ACACB: variants seen among roughly 807,000 people sequenced by gnomAD.
ACACB encodes acetyl-CoA carboxylase beta.
In ACACB, 209 loss-of-function variants were observed where a neutral mutation model predicts 278.8. The ratio of observed to expected loss-of-function variants is 0.75; its 90% CI spans 0.67 to 0.84. The LOEUF (loss-of-function observed/expected upper bound fraction) is 0.84. ACACB is among the 40% of genes least tolerant of loss of function. ACACB has a pLI of 0.00. For synonymous variants in ACACB, 1,174 were observed against 1,285.6 expected (o/e 0.91, Z 1.86); for missense variants, 2,850 against 3,269.0 (o/e 0.87, Z 3.13).
At chr12:109,167,767 T>C (rs916430149) in intron 3 of ACACB, 129 bp from the exon 4 acceptor site, 10 of 1,389,372 alleles carry the variant, frequency 7.2e-6, no homozygotes, top group Middle Eastern at 2.2e-4. Flanking sequence ...TACATAGAAA[T>C]ACCAAGAGGA....
At chr12:109,222,985 G>T in intron 26 of ACACB, 73 bp downstream of exon 26, 3 of 1,189,460 alleles carry the variant, frequency 2.5e-6, no homozygotes, top group Non-Finnish European at 3.6e-6. Flanking sequence ...CTGGGGAAAC[G>T]GCTCCTCCTG....
intron 40 of ACACB, chr12:109,249,767 C>T (rs1054669889): frequency 3.5e-5 from 15 of 424,824 alleles, no homozygotes; most frequent in Non-Finnish European, 5.7e-5. Context: ...GCTGGGATTA[C>T]AGAGCAGGGT....
intron 2 of ACACB, among the ~76,000 whole-genome samples, chr12:109,148,393 T>C (rs1289270080): frequency 6.6e-6 from 1 of 152,148 alleles, no homozygotes; most frequent in Non-Finnish European, 1.5e-5. Context: ...TCCTAGCTTG[T>C]ACCCCGACTT....
At chr12:109,210,014 T>TGTGTATAC (rs2045668714) in intron 21 of ACACB, among the ~76,000 whole-genome samples, 1 of 94,834 alleles carries the variant, frequency 1.1e-5, no homozygotes, top group Non-Finnish European at 2.1e-5. Flanking sequence ...TGTGTATATA[T>TGTGTATAC]ACACACGTGT....
At position 109,237,243 on chromosome 12, in the gene ACACB, G is replaced by A. The variant is rs146231935; in HGVS notation, c.4525G>A (p.Asp1509Asn). 5.6e-6 allele frequency: 9 copies of A among 1,614,052 alleles called. No individual in the cohort carries two copies. The highest frequency in any genetic ancestry group is 3.3e-5 in the South Asian group (3 of 91,090). ...QLELNRMRNF[D>N]LTAVPCANHK... ...GGAACTTAACCGGATGCGTAACTTC[G>A]ATCTGACCGCCGTGCCCTGTGCCAA... Residue 1509 changes from aspartate (D) to asparagine (N), a missense_variant, in exon 34 of 53, where the codon GAT (aspartate) becomes AAT (asparagine). Transcript: ENST00000338432.
chr12:109,119,831 G>A (rs986293369), intron 1 of ACACB, among the ~76,000 whole-genome samples: 5 of 152,038 alleles, frequency 3.3e-5, no homozygotes, highest in African/African-American at 7.3e-5. Flanking sequence ...GGAACCAGAC[G>A]TTGCAGCAAG....
intron 6 of ACACB, 86 bp downstream of exon 6, chr12:109,172,442 T>C (rs1593463114): frequency 7.8e-7 from 1 of 1,283,820 alleles, no homozygotes; most frequent in Admixed American, 1.9e-5. Context: ...CCTCCTGTCC[T>C]GTAAAGCGGA....
At chr12:109,203,384 A>G (rs1186014060) in intron 19 of ACACB, among the ~76,000 whole-genome samples, 2 of 152,212 alleles carry the variant, frequency 1.3e-5, no homozygotes, top group Non-Finnish European at 2.9e-5. Flanking sequence ...AGCACATTGC[A>G]TATAGTTGTC....
intron 7 of ACACB, 81 bp from the exon 8 acceptor site, chr12:109,175,850 C>A: frequency 8.3e-7 from 1 of 1,210,924 alleles, no homozygotes; most frequent in Non-Finnish European, 1.2e-6. Flanking sequence ...ACTATGTCAG[C>A]AGGGAGAGGC....
chr12:109,221,680 A>G (rs1195878458), intron 24 of ACACB, among the ~76,000 whole-genome samples: 1 of 152,052 alleles, frequency 6.6e-6, no homozygotes, highest in Non-Finnish European at 1.5e-5. Flanking sequence ...CTGTGTTCGA[A>G]TCTGGCTCTG....
chr12:109,197,140 G>A lies in ACACB; in HGVS notation c.2614G>A (p.Glu872Lys). ...GAACAGCTACACCACCTACATGAAG[G>A]AAGAGGTTGACAGGTGCGTGGGGGT... ...NGNSYTTYMK[E>K]EVDSYRITIG... Residue 872 changes from glutamate to lysine, a missense_variant, in exon 17 of 53, where the codon GAA (glutamate) becomes AAA (lysine). Coordinates refer to ENST00000338432, the MANE Select transcript of ACACB (RefSeq NM_001093.4). The A allele has an allele frequency of 4.4e-6, 7 of 1,605,764 alleles. No homozygotes were observed. The highest frequency in any genetic ancestry group is 6.0e-6 in the Non-Finnish European group (7 of 1,176,458).
At chr12:109,144,746 CTTTCTTTCTT>C (rs2043198117) in intron 2 of ACACB, among the ~76,000 whole-genome samples, 18 of 39,772 alleles carry the variant, frequency 4.5e-4, no homozygotes, top group African/African-American at 1.2e-3. Context: ...CTTTTTCTTT[CTTTCTTTCTT>C]TTTTTTTTTT....
At chr12:109,222,216 C>T (rs1176687729) in intron 24 of ACACB, among the ~76,000 whole-genome samples, 1 of 151,990 alleles carries the variant, frequency 6.6e-6, no homozygotes, top group Non-Finnish European at 1.5e-5. Context: ...TTAATAGTAA[C>T]GTAGGCAGGG....
At chr12:109,240,931 A>G in intron 35 of ACACB, 147 bp from the exon 36 acceptor site, 4 of 714,250 alleles carry the variant, frequency 5.6e-6, no homozygotes, top group Non-Finnish European at 9.4e-6. Flanking sequence ...GTTGCTTGTT[A>G]TTAGTTAATA....
chr12:109,209,181 A>C lies in ACACB; in HGVS notation c.3077A>C (p.Gln1026Pro). 6 of 1,603,486 alleles carry C rather than the reference A, an allele frequency of 3.7e-6. No homozygotes were observed. The highest frequency in any genetic ancestry group is 5.1e-6 in the Non-Finnish European group (6 of 1,176,070). ...CCGCTTCAGCTGAAGGAGTGGGTGC[A>C]GAAGCTCATGATGACCCTCCGGCAC... Reference protein sequence around the residue: ...VFSIKLKEWVQKLMMTLRHPS... With the variant: ...VFSIKLKEWVPKLMMTLRHPS... Residue 1026 changes from glutamine (Q) to proline (P), a missense_variant, in exon 21 of 53, where the codon CAG becomes CCG. Coordinates refer to ENST00000338432, the MANE Select transcript of ACACB (RefSeq NM_001093.4).
At chr12:109,175,336 A>G (rs2044249384) in intron 7 of ACACB, among the ~76,000 whole-genome samples, 1 of 152,120 alleles carries the variant, frequency 6.6e-6, no homozygotes, top group African/African-American at 2.4e-5. Context: ...AAATGACTCC[A>G]TAAGGTAGAA....
chr12:109,119,034 T>A (rs992961988), intron 1 of ACACB, among the ~76,000 whole-genome samples: 5 of 152,166 alleles, frequency 3.3e-5, no homozygotes, highest in Admixed American at 3.3e-4. Flanking sequence ...TATTGGGTAG[T>A]TGGCATACCC....
intron 11 of ACACB, among the ~76,000 whole-genome samples, chr12:109,182,618 C>T (rs541985821): frequency 1.3e-5 from 2 of 152,354 alleles, no homozygotes; most frequent in African/African-American, 4.8e-5. Flanking sequence ...AGCCCTCCCA[C>T]CTCAGCCTCC....
In ACACB at chr12:109,266,503, GCTGACA is replaced by G; in HGVS notation, c.*143_*148del. On this transcript the variant is annotated 3_prime_UTR_variant, in exon 53 of 53. Coordinates refer to ENST00000338432, the MANE Select transcript of ACACB (RefSeq NM_001093.4). ...ACTTCTGCAGGGCTGCTGGTTCCGA[GCTGACA>G]CCCGTCTTAACAAAAGGCCCAGGAG... 9.2e-7 allele frequency: 1 copy of G among 1,087,626 alleles called. No individual in the cohort carries two copies. The highest frequency in any genetic ancestry group is 1.2e-6 in the Non-Finnish European group (1 of 808,530). The allele number at this position is 1,087,626 out of a possible 1,614,324, so 67.4% of individuals were successfully genotyped here.
Sources: allele counts gnomAD v4.1 joint callset (sites outside exome capture counted in the v4.1 genomes callset), GRCh38; gene constraint gnomAD v4.1.1; transcripts MANE v1.5; gene names NCBI Gene and HGNC (gene_info 2026-07-23, HGNC 2026-07-21).